The following PDK1 variants were observed in gnomAD, a reference collection of about 807,000 sequenced individuals.
PDK1 encodes [Pyruvate dehydrogenase (acetyl-transferring)] kinase isozyme 1, mitochondrial.
In PDK1, 39 loss-of-function variants were observed where a neutral mutation model predicts 54.2. The ratio of observed to expected loss-of-function variants is 0.72; its 90% confidence interval spans 0.56 to 0.94. The LOEUF is 0.94. PDK1 is among the 40% of genes least tolerant of loss of function. The pLI, the probability that PDK1 is intolerant of heterozygous loss-of-function variation, is 0.00. For synonymous variants in PDK1, 221 were observed against 207.1 expected, an observed-to-expected ratio of 1.07 and a Z score of -0.58; for missense variants, 552 against 566.0, an observed-to-expected ratio of 0.98 and a Z score of 0.25.
the PDK1 span, among the ~76,000 whole-genome samples, chr2:172,621,829 TTATATCTCATA>T: frequency 8.1e-6 from 1 of 124,118 alleles, no homozygotes; most frequent in African/African-American, 2.8e-5. Context: ...TGATATATGT[TTATATCTCATA>T]TGTATGATAC....
At chr2:172,637,596 C>T in the PDK1 span, among the ~76,000 whole-genome samples, 1 of 152,078 alleles carries the variant, frequency 6.6e-6, no homozygotes, top group East Asian at 1.9e-4. Context: ...TTTAAGTCAC[C>T]ATAATTTAGT....
chr2:172,589,904 C>T (rs1039135114), intron 9 of PDK1, among the ~76,000 whole-genome samples: 7 of 152,112 alleles, frequency 4.6e-5, no homozygotes, highest in Non-Finnish European at 8.8e-5. Flanking sequence ...TGAACAGACA[C>T]GGAATGATAT....
the PDK1 span, among the ~76,000 whole-genome samples, chr2:172,634,262 ATAT>A: frequency 7.2e-6 from 1 of 139,460 alleles, no homozygotes; most frequent in Non-Finnish European, 1.5e-5. Flanking sequence ...AAATCTATTT[ATAT>A]TATTATTATT....
the PDK1 span, among the ~76,000 whole-genome samples, chr2:172,617,330 ATTC>A: frequency 6.6e-6 from 1 of 152,152 alleles, no homozygotes; most frequent in Non-Finnish European, 1.5e-5. Flanking sequence ...TAAAGAGATA[ATTC>A]TTATTAAATG....
At chr2:172,642,781 CCTCCCA>C in the PDK1 span, among the ~76,000 whole-genome samples, 12 of 105,322 alleles carry the variant, frequency 1.1e-4, no homozygotes, top group African/African-American at 3.2e-4. Flanking sequence ...TTCTCCTCCT[CCTCCCA>C]CTCCTCCTCC....
chr2:172,555,729 G>C (rs1048626247), upstream of PDK1: 4 of 156,544 alleles, frequency 2.6e-5, no homozygotes, highest in African/African-American at 9.6e-5. Context: ...GGTGGGATTT[G>C]TTTCAAAAGG....
At chr2:172,706,675 C>T in the PDK1 span, among the ~76,000 whole-genome samples, 1 of 152,174 alleles carries the variant, frequency 6.6e-6, no homozygotes, top group Non-Finnish European at 1.5e-5. Flanking sequence ...GTGATCTGCC[C>T]GCCTCAGCCT....
At chr2:172,668,904 TATAGAGAGAGAG>T in the PDK1 span, among the ~76,000 whole-genome samples, 1 of 69,824 alleles carries the variant, frequency 1.4e-5, no homozygotes, top group Non-Finnish European at 3.0e-5. Context: ...CATATATATA[TATAGAGAGAGAG>T]AGAGAGAGAG....
chr2:172,694,145 A>G, the PDK1 span, among the ~76,000 whole-genome samples: 2 of 152,314 alleles, frequency 1.3e-5, no homozygotes, highest in African/African-American at 4.8e-5. Context: ...ACCCTTCACC[A>G]TAGGAAATGA....
the PDK1 span, among the ~76,000 whole-genome samples, chr2:172,659,932 G>A: frequency 2.0e-5 from 3 of 152,156 alleles, no homozygotes; most frequent in Admixed American, 2.0e-4. Flanking sequence ...TTGACCAGCT[G>A]AATCATTAGA....
chr2:172,688,668 A>G, the PDK1 span, among the ~76,000 whole-genome samples: 1 of 152,204 alleles, frequency 6.6e-6, no homozygotes, highest in Non-Finnish European at 1.5e-5. Context: ...TGCAGGTCTA[A>G]TATCTGGGAA....
the PDK1 span, among the ~76,000 whole-genome samples, chr2:172,637,593 C>A: frequency 1.3e-5 from 2 of 152,278 alleles, no homozygotes; most frequent in Admixed American, 1.3e-4. Context: ...ACATTTAAGT[C>A]ACCATAATTT....
the PDK1 span, among the ~76,000 whole-genome samples, chr2:172,688,675 G>A: frequency 6.6e-6 from 1 of 152,128 alleles, no homozygotes; most frequent in Non-Finnish European, 1.5e-5. Flanking sequence ...CTAATATCTG[G>A]GAAAGGAGAG....
chr2:172,666,039 C>A, the PDK1 span, among the ~76,000 whole-genome samples: 2 of 152,196 alleles, frequency 1.3e-5, no homozygotes, highest in Non-Finnish European at 2.9e-5. Context: ...ATTTCCTCTT[C>A]CCAGATTTCT....
intron 8 of PDK1, among the ~76,000 whole-genome samples, chr2:172,576,558 G>C (rs1374030176): frequency 2.6e-5 from 4 of 151,238 alleles, no homozygotes; most frequent in Non-Finnish European, 4.4e-5. Context: ...TTTTGCTCCT[G>C]TTTTTCTAGT....
In PDK1 at chr2:172,607,075, G is replaced by A. The variant is rs1285295649; in HGVS notation, c.*11106G>A. ...TCAGGCATATTGTCTTCAAAGGAAT[G>A]TTTTAAACCAGCCAAAGACTAACAT... On this transcript the variant is annotated 3_prime_UTR_variant, in exon 11 of 11. Transcript: ENST00000282077. The A allele has an allele frequency of 1.3e-5, 2 of 152,210 alleles. No homozygotes were observed. The highest frequency in any genetic ancestry group is 2.4e-5 in the African/African-American group (1 of 41,452). 9.4% of individuals were successfully genotyped at this position (152,210 alleles called of 1,614,324 possible).
At chr2:172,674,810 C>A in the PDK1 span, 1 of 152,280 alleles carries the variant, frequency 6.6e-6, no homozygotes, top group South Asian at 2.1e-4. Flanking sequence ...GGGCTGCAGG[C>A]TGCCGGGCCG....
the PDK1 span, among the ~76,000 whole-genome samples, chr2:172,687,096 AACAAT>A: frequency 3.3e-5 from 5 of 151,954 alleles, no homozygotes; most frequent in East Asian, 1.9e-4. Flanking sequence ...CATGTAAACT[AACAAT>A]ATATTATATA....
chr2:172,716,433 C>T, the PDK1 span, among the ~76,000 whole-genome samples: 1 of 152,064 alleles, frequency 6.6e-6, no homozygotes, highest in African/African-American at 2.4e-5. Flanking sequence ...TCAAGCGATT[C>T]TCCTGCCTCA....
Sources: gnomAD v4.1 joint callset for allele counts (sites outside exome capture counted in the v4.1 genomes callset) on GRCh38, gnomAD v4.1.1 for gene constraint, MANE v1.5 for transcripts, NCBI Gene and HGNC (gene_info 2026-07-23, HGNC 2026-07-21) for gene names.